Variants in DDX21 observed in about 807,000 individuals in gnomAD.
DDX21 encodes the protein nucleolar RNA helicase 2.
Under a neutral mutation model 90.0 loss-of-function variants are expected in DDX21, and 18 were observed. That is an observed-to-expected ratio of 0.20 (90% CI 0.14 to 0.30). DDX21 has a LOEUF of 0.30. Among genes scored for constraint, DDX21 ranks in the 10% least tolerant of loss-of-function variants. The probability of loss-of-function intolerance (pLI) is 1.00; values close to 1 mark genes in which losing one functional copy is unlikely to be tolerated. For synonymous variants in DDX21, 294 were observed against 318.0 expected (o/e 0.92, Z 0.80); for missense variants, 673 against 944.5 (o/e 0.71, Z 3.77).
chr10:68,968,953 T>G lies in DDX21; in HGVS notation c.1091-23T>G. 2 of 1,568,676 alleles carry G rather than the reference T, an allele frequency of 1.3e-6. No individual in the cohort carries two copies. Among genetic ancestry groups the G allele is most frequent in the Non-Finnish European group, 8.7e-7 (1 of 1,151,712 alleles). Reference sequence around the variant, plus strand: ...GCTTGTTTGGATTATTCATACTGACTTTTTTTTTCCCCCTCCTCAAAGATT... The same window carrying G: ...GCTTGTTTGGATTATTCATACTGACGTTTTTTTTCCCCCTCCTCAAAGATT... On this transcript the variant is annotated intron_variant, in intron 6 of 14. Coordinates refer to ENST00000354185, the MANE Select transcript of DDX21 (RefSeq NM_004728.4).
rs570135457 is a variant in DDX21, at chr10:68,960,390, T to C, written c.531+141T>C. 18 of 731,640 alleles carry C rather than the reference T, an allele frequency of 2.5e-5. No individual in the cohort carries two copies. The African/African-American group carries it at 2.6e-4, about 10-fold the overall frequency. 45.3% of individuals were successfully genotyped at this position (731,640 alleles called of 1,614,324 possible). A position where few individuals can be genotyped will look rare whatever the true frequency, so the allele number is the denominator to read the frequency against. The stretch of plus-strand genomic sequence containing the variant: ...TTGTGGGTTGGGGGATACCTTAGGC[T>C]GACTGGGACTTCATCTTAAAAATTA... On this transcript the variant is annotated intron_variant, in intron 2 of 14. Coordinates refer to ENST00000354185, the MANE Select transcript of DDX21 (RefSeq NM_004728.4).
chr10:68,976,175 T>A lies in DDX21; in HGVS notation c.1743-1354T>A, dbSNP rs923597672. Among the ~76,000 whole-genome samples, 23 of 151,662 alleles carry A rather than the reference T, an allele frequency of 1.5e-4. 1 individual carries two copies. The highest frequency in any genetic ancestry group is 4.4e-4 in the African/African-American group (18 of 41,362). On this transcript the variant is annotated intron_variant, in intron 11 of 14. Transcript: ENST00000354185. ...CCAGGAGGTTGAGGCTGCAGTGAGC[T>A]GTGGTTGTGCTAATGTACTCCACCC...
At chr10:68,972,134 C>G in intron 9 of DDX21, 82 bp downstream of exon 9, 1 of 1,477,226 alleles carries the variant, frequency 6.8e-7, no homozygotes, top group Non-Finnish European at 9.2e-7. Context: ...TATTTACTTT[C>G]ATGTCATTAG....
At chr10:68,957,600 A>C (rs1405746831) in intron 1 of DDX21, among the ~76,000 whole-genome samples, 1 of 152,242 alleles carries the variant, frequency 6.6e-6, no homozygotes, top group Non-Finnish European at 1.5e-5. Context: ...ACATTGCATC[A>C]GTCAATTGCG....
chr10:68,970,867 G>C (rs1843015592), intron 8 of DDX21, among the ~76,000 whole-genome samples: 1 of 151,408 alleles, frequency 6.6e-6, no homozygotes, highest in African/African-American at 2.4e-5. Context: ...TGGCCGGGTT[G>C]GTCTCGAACT....
chr10:68,964,063 C>T (rs1842906294), intron 4 of DDX21: 2 of 358,106 alleles, frequency 5.6e-6, no homozygotes, highest in Non-Finnish European at 1.1e-5. Context: ...TGCACCACTG[C>T]ACTCCAGCCT....
intron 8 of DDX21, among the ~76,000 whole-genome samples, chr10:68,971,399 T>TATTTTTTTAAATTTTTTTTC (rs1564628328): frequency 1.3e-5 from 2 of 152,104 alleles, no homozygotes; most frequent in Non-Finnish European, 2.9e-5. Flanking sequence ...CAACTAATTT[T>TATTTTTTTAAATTTTTTTTC]ATTTTTTTAA....
At chr10:68,956,345 G>T in intron 1 of DDX21, 33 bp downstream of exon 1, 1 of 1,612,908 alleles carries the variant, frequency 6.2e-7, no homozygotes, top group Non-Finnish European at 8.5e-7. Flanking sequence ...CAGGAGGGAC[G>T]CTGAATGGAG....
At chr10:68,957,207 T>TA (rs1345142196) in intron 1 of DDX21, among the ~76,000 whole-genome samples, 1 of 152,178 alleles carries the variant, frequency 6.6e-6, no homozygotes, top group African/African-American at 2.4e-5. Flanking sequence ...ATTCAGTTAT[T>TA]ACGAAAATCT....
At chr10:68,980,927 C>T (rs1250601302) in intron 13 of DDX21, among the ~76,000 whole-genome samples, 1 of 150,146 alleles carries the variant, frequency 6.7e-6, no homozygotes, top group Non-Finnish European at 1.5e-5. Context: ...GCACTCCAGC[C>T]TAGGCAGTAG....
intron 10 of DDX21, 84 bp from the exon 11 acceptor site, chr10:68,974,586 A>G (rs946857515): frequency 1.9e-6 from 2 of 1,051,188 alleles, no homozygotes; most frequent in Non-Finnish European, 2.9e-6. Context: ...CATTTGGCCT[A>G]TATTAAAAAA....
chr10:68,963,798 A>G (rs1040420033), intron 4 of DDX21, among the ~76,000 whole-genome samples: 3 of 152,062 alleles, frequency 2.0e-5, no homozygotes, highest in African/African-American at 7.2e-5. Flanking sequence ...TAGATGGAGA[A>G]AGCATTTTTG....
intron 1 of DDX21, among the ~76,000 whole-genome samples, chr10:68,958,445 ATT>A (rs67989966): frequency 1.3e-5 from 2 of 148,828 alleles, no homozygotes; most frequent in African/African-American, 2.5e-5. Flanking sequence ...TAAAAAAAAA[ATT>A]TTTTTTTTTG....
At chr10:68,976,363 C>T (rs955195885) in intron 11 of DDX21, among the ~76,000 whole-genome samples, 4 of 151,730 alleles carry the variant, frequency 2.6e-5, no homozygotes, top group East Asian at 1.9e-4. Flanking sequence ...TCTCATCTCA[C>T]TGCAAGCTCT....
chr10:68,972,634 C>T (rs1302256139), intron 9 of DDX21, among the ~76,000 whole-genome samples: 1 of 152,068 alleles, frequency 6.6e-6, no homozygotes, highest in African/African-American at 2.4e-5. Context: ...ATGAATTCAC[C>T]AATTCTTAAA....
intron 1 of DDX21, among the ~76,000 whole-genome samples, chr10:68,958,772 G>A (rs1191223209): frequency 2.0e-5 from 3 of 151,968 alleles, no homozygotes; most frequent in East Asian, 1.9e-4. Context: ...ACGGGGTCTC[G>A]CTATATTGTC....
At chr10:68,967,989 G>GT (rs1258273931) in intron 6 of DDX21, among the ~76,000 whole-genome samples, 7 of 151,926 alleles carry the variant, frequency 4.6e-5, no homozygotes, top group African/African-American at 1.7e-4. Context: ...CCACCTTCCA[G>GT]GTTGAAGCAA....
In DDX21 at chr10:68,983,002, T is replaced by C; in HGVS notation, c.*190T>C. The C allele has an allele frequency of 2.8e-6, 2 of 705,368 alleles. No homozygotes were observed. Among genetic ancestry groups the C allele is most frequent in the South Asian group, 4.3e-5 (2 of 46,626 alleles). The allele number at this position is 705,368 out of a possible 1,614,324, so 43.7% of individuals were successfully genotyped here. On this transcript the variant is annotated 3_prime_UTR_variant, in exon 15 of 15. Transcript: ENST00000354185. ...CTGATCATTATCATTTATAACTTTA[T>C]TGTTACTTCTTCATCAGTTTTTCCT...
chr10:68,981,721 T>C (rs994757120), intron 14 of DDX21, 140 bp downstream of exon 14: 17 of 773,088 alleles, frequency 2.2e-5, no homozygotes, highest in East Asian at 2.2e-4. Context: ...TTTGGAATAT[T>C]CCCCCCTAAC....
Sources: gnomAD v4.1 joint callset for allele counts (sites outside exome capture counted in the v4.1 genomes callset) on GRCh38, gnomAD v4.1.1 for gene constraint, MANE v1.5 for transcripts, NCBI Gene and HGNC (gene_info 2026-07-23, HGNC 2026-07-21) for gene names.